The following TRIO variants were observed in gnomAD, a reference collection of about 807,000 sequenced individuals.
The protein encoded by TRIO is trio Rho guanine nucleotide exchange factor.
A neutral mutation model predicts 351.9 loss-of-function variants in TRIO; 58 were observed. That is an observed-to-expected ratio of 0.16 (90% CI 0.13 to 0.21). The LOEUF (loss-of-function observed/expected upper bound fraction) is 0.21, where lower values mean the gene tolerates loss of function less well. TRIO is among the 10% of genes least tolerant of loss of function. TRIO has a pLI of 1.00. For missense variants in TRIO, 3,201 were observed against 4,027.8 expected, an observed-to-expected ratio of 0.79 and a Z score of 5.56; for synonymous variants, 1,758 against 1,595.7, an observed-to-expected ratio of 1.10 and a Z score of -2.42.
At chr5:14,276,284 C>T (rs1735512085) in intron 2 of TRIO, among the ~76,000 whole-genome samples, 1 of 152,204 alleles carries the variant, frequency 6.6e-6, no homozygotes, top group Admixed American at 6.5e-5. Context: ...CAGGGACTGA[C>T]TGAGAGTGCG....
At chr5:14,292,986 G>A (rs1165157694) in intron 5 of TRIO, 26 bp from the exon 6 acceptor site, 1 of 1,613,858 alleles carries the variant, frequency 6.2e-7, no homozygotes, top group Admixed American at 1.7e-5. Flanking sequence ...TGGAGTGATT[G>A]CGGGTTGTCT....
chr5:14,434,217 C>G (rs1751406238), intron 34 of TRIO, among the ~76,000 whole-genome samples: 1 of 152,158 alleles, frequency 6.6e-6, no homozygotes. Flanking sequence ...AATAAAAATA[C>G]TTTAATTTTC....
intron 16 of TRIO, among the ~76,000 whole-genome samples, chr5:14,368,321 T>C (rs1009221576): frequency 6.6e-6 from 1 of 152,226 alleles, no homozygotes; most frequent in East Asian, 1.9e-4. Context: ...TGGCCACCTT[T>C]TCTCTGCTTG....
intron 1 of TRIO, among the ~76,000 whole-genome samples, chr5:14,155,567 G>C (rs1033767980): frequency 6.6e-6 from 1 of 152,158 alleles, no homozygotes; most frequent in African/African-American, 2.4e-5. Flanking sequence ...CATCTCCTCA[G>C]CCTGTCTCCC....
chr5:14,489,598 C>T (rs1260676411), intron 48 of TRIO, among the ~76,000 whole-genome samples: 1 of 152,210 alleles, frequency 6.6e-6, no homozygotes, highest in Non-Finnish European at 1.5e-5. Flanking sequence ...ATCTAGAGCT[C>T]ATCATAGCCT....
chr5:14,477,011 T>G, intron 41 of TRIO, 48 bp downstream of exon 41: 6 of 1,525,864 alleles, frequency 3.9e-6, no homozygotes, highest in Non-Finnish European at 5.4e-6. Context: ...GTGTCATCCT[T>G]AGTCACTGGT....
intron 1 of TRIO, among the ~76,000 whole-genome samples, chr5:14,259,982 A>G (rs894824734): frequency 6.6e-6 from 1 of 152,224 alleles, no homozygotes; most frequent in African/African-American, 2.4e-5. Context: ...CAAAGCTGTC[A>G]AAGCAAAGTA....
intron 11 of TRIO, among the ~76,000 whole-genome samples, chr5:14,354,778 G>A (rs540560091): frequency 6.6e-6 from 1 of 152,298 alleles, no homozygotes; most frequent in South Asian, 2.1e-4. Flanking sequence ...GATTCCTTAA[G>A]TGTTCTCCAT....
Position 14,368,934 on chromosome 5 carries a change from G to C in TRIO, c.3066+35G>C, listed in dbSNP as rs1365768173. The C allele has an allele frequency of 3.2e-6, 5 of 1,586,260 alleles. No homozygotes were observed. In the African/African-American group the frequency reaches 6.8e-5, roughly 21 times the overall value. On this transcript the variant is annotated intron_variant, in intron 17 of 56. Coordinates refer to ENST00000344204, the MANE Select transcript of TRIO (RefSeq NM_007118.4). The stretch of plus-strand genomic sequence containing the variant: ...GAGGTTCCCTTCCTTGAACTCCACT[G>C]ATACTTTATTTTGAGCTTAATTTAT...
At chr5:14,304,388 A>C in intron 7 of TRIO, 73 bp from the exon 8 acceptor site, 1 of 1,498,882 alleles carries the variant, frequency 6.7e-7, no homozygotes, top group East Asian at 2.3e-5. Context: ...AATTTTCAAA[A>C]CCATGTTAAA....
At chr5:14,477,996 T>A (rs549725770) in intron 41 of TRIO, among the ~76,000 whole-genome samples, 35 of 152,226 alleles carry the variant, frequency 2.3e-4, no homozygotes, top group Non-Finnish European at 3.8e-4. Context: ...AATGACAGGC[T>A]TATTTTGTTC....
chr5:14,202,571 T>C (rs1245060873), intron 1 of TRIO, among the ~76,000 whole-genome samples: 2 of 151,670 alleles, frequency 1.3e-5, no homozygotes, highest in Non-Finnish European at 2.9e-5. Context: ...TCCCACATGT[T>C]GTGAGAGGGA....
intron 3 of TRIO, among the ~76,000 whole-genome samples, chr5:14,281,819 G>T (rs1177982212): frequency 6.6e-6 from 1 of 152,178 alleles, no homozygotes; most frequent in Non-Finnish European, 1.5e-5. Context: ...ATATGGGCTG[G>T]CTAGATAGTA....
chr5:14,391,391 T>A (rs932621763), intron 27 of TRIO, among the ~76,000 whole-genome samples: 1 of 152,244 alleles, frequency 6.6e-6, no homozygotes, highest in Non-Finnish European at 1.5e-5. Context: ...TAAATGTGAA[T>A]CTTTTTATTT....
intron 11 of TRIO, among the ~76,000 whole-genome samples, chr5:14,342,637 T>C (rs1397738867): frequency 6.6e-6 from 1 of 152,252 alleles, no homozygotes; most frequent in Non-Finnish European, 1.5e-5. Context: ...TTATATCTCT[T>C]GTGCAAAGTT....
chr5:14,390,781 G>A, intron 26 of TRIO, 120 bp from the exon 27 acceptor site: 1 of 743,766 alleles, frequency 1.3e-6, no homozygotes, highest in East Asian at 3.0e-5. Flanking sequence ...TTTTAAAATA[G>A]AGTCTCTTCA....
chr5:14,173,534 G>T (rs746152273), intron 1 of TRIO, among the ~76,000 whole-genome samples: 52 of 152,160 alleles, frequency 3.4e-4, no homozygotes, highest in Admixed American at 5.9e-4. Context: ...TAAGTGTTCT[G>T]TGAGCCGCTA....
intron 34 of TRIO, among the ~76,000 whole-genome samples, chr5:14,452,862 AG>A (rs1752938002): frequency 6.6e-6 from 1 of 152,174 alleles, no homozygotes; most frequent in Non-Finnish European, 1.5e-5. Context: ...TGCGACCAGC[AG>A]GATATGGTCC....
At chr5:14,507,004 G>A in intron 55 of TRIO, 118 bp from the exon 56 acceptor site, 1 of 1,371,008 alleles carries the variant, frequency 7.3e-7, no homozygotes, top group Non-Finnish European at 9.5e-7. Flanking sequence ...GCACGGCCCT[G>A]AGATCCCGAT....
Sources: gnomAD v4.1 joint callset for allele counts (sites outside exome capture counted in the v4.1 genomes callset) on GRCh38, gnomAD v4.1.1 for gene constraint, MANE v1.5 for transcripts, NCBI Gene and HGNC (gene_info 2026-07-23, HGNC 2026-07-21) for gene names.